GOSR1: variants seen among roughly 807,000 people sequenced by gnomAD.
GOSR1 encodes 28 kDa Golgi SNARE protein.
Under a neutral mutation model 35.5 loss-of-function variants are expected in GOSR1, and 21 were observed. That is an observed-to-expected ratio of 0.59 (90% CI 0.42 to 0.85). GOSR1 has a LOEUF of 0.85. GOSR1 is among the 40% of genes least tolerant of loss of function. The probability of loss-of-function intolerance (pLI) is 0.00; values close to 1 mark genes in which losing one functional copy is unlikely to be tolerated. For synonymous variants in GOSR1, 94 were observed against 106.6 expected (o/e 0.88, Z 0.73); for missense variants, 285 against 309.6 (o/e 0.92, Z 0.60).
Position 30,490,150 on chromosome 17 carries a change from A to G in GOSR1, c.367A>G (p.Thr123Ala). ...GGATTATACACATGAATTCCATAAAACCAAAGCAAACTTTATGGCAATACG... is the reference window on the plus strand; with the variant it reads ...GGATTATACACATGAATTCCATAAAGCCAAAGCAAACTTTATGGCAATACG... ...LQDYTHEFHK[T>A]KANFMAIRER... Residue 123 changes from threonine (T) to alanine (A), a missense_variant, in exon 5 of 9, where the codon ACC becomes GCC. Thr to Ala is a moderately conservative substitution (Grantham distance 58). Transcript: ENST00000451249. The G allele has an allele frequency of 6.4e-7, 1 of 1,554,170 alleles. No individual in the cohort carries two copies. The highest frequency in any genetic ancestry group is 8.9e-7 in the Non-Finnish European group (1 of 1,125,862).
At chr17:30,504,382 T>C (rs1385330945) in intron 6 of GOSR1, among the ~76,000 whole-genome samples, 1 of 152,162 alleles carries the variant, frequency 6.6e-6, no homozygotes, top group Non-Finnish European at 1.5e-5. Flanking sequence ...GACTTGTAGT[T>C]CCAGTATTGC....
At position 30,527,198 on chromosome 17, in the gene GOSR1, A is replaced by C. The variant is rs1213528281; in HGVS notation, c.*4820A>C. The stretch of plus-strand genomic sequence containing the variant: ...CACAGCAAAGACCTTGTCTCTACAA[A>C]AACTAAAATTAGCCATTCATGATGG... On this transcript the variant is annotated 3_prime_UTR_variant, in exon 9 of 9. Coordinates refer to ENST00000451249, the MANE Select transcript of GOSR1 (RefSeq NM_001007025.2). 1 of 152,166 alleles carries C rather than the reference A, an allele frequency of 6.6e-6. No individual in the cohort carries two copies. Among genetic ancestry groups the C allele is most frequent in the East Asian group, 1.9e-4 (1 of 5,192 alleles). The allele number at this position is 152,166 out of a possible 1,614,324, so 9.4% of individuals were successfully genotyped here. A position where few individuals can be genotyped will look rare whatever the true frequency, so the allele number is the denominator to read the frequency against.
At chr17:30,480,173 G>T (rs1914241672) in intron 1 of GOSR1, 1 of 151,984 alleles carries the variant, frequency 6.6e-6, no homozygotes, top group Admixed American at 6.6e-5. Context: ...CAGGCATGGT[G>T]GTGTGTGCCT....
chr17:30,477,630 G>C (rs1914026694), intron 1 of GOSR1, 166 bp downstream of exon 1: 2 of 1,387,030 alleles, frequency 1.4e-6, no homozygotes, highest in East Asian at 2.8e-5. Flanking sequence ...GATACCGAAC[G>C]GTCTGGGGTA....
In GOSR1 at chr17:30,522,853, C is replaced by T. The variant is rs558178995; in HGVS notation, c.*475C>T. 1 of 153,420 alleles carries T rather than the reference C, an allele frequency of 6.5e-6. No homozygotes were observed. Among genetic ancestry groups the T allele is most frequent in the South Asian group, 2.0e-4 (1 of 4,934 alleles). The allele number at this position is 153,420 out of a possible 1,614,324, so 9.5% of individuals were successfully genotyped here. A position where few individuals can be genotyped will look rare whatever the true frequency, so the allele number is the denominator to read the frequency against. On this transcript the variant is annotated 3_prime_UTR_variant, in exon 9 of 9. Transcript: ENST00000451249. ...ACGGTCTCCCTCTTTCCACGGTCTCCCTCTGATGCCGAGCCGAAGCTGGAC... is the reference window on the plus strand; with the variant it reads ...ACGGTCTCCCTCTTTCCACGGTCTCTCTCTGATGCCGAGCCGAAGCTGGAC...
chr17:30,480,912 A>G, intron 1 of GOSR1: 1 of 343,710 alleles, frequency 2.9e-6, no homozygotes, highest in Non-Finnish European at 5.6e-6. Context: ...GGGTTTCTCC[A>G]TGTTGATCAG....
chr17:30,522,212 G>A, intron 8 of GOSR1, 42 bp from the exon 9 acceptor site: 1 of 1,548,368 alleles, frequency 6.5e-7, no homozygotes, highest in Non-Finnish European at 8.8e-7. Flanking sequence ...TTTCGCCAGA[G>A]AGGCTTCTTC....
chr17:30,502,949 A>G (rs1967268779), intron 6 of GOSR1, among the ~76,000 whole-genome samples: 1 of 152,258 alleles, frequency 6.6e-6, no homozygotes, highest in Non-Finnish European at 1.5e-5. Context: ...TGTAAGTGAA[A>G]GACTATCTCA....
intron 8 of GOSR1, among the ~76,000 whole-genome samples, chr17:30,521,167 CTTTTTTTTTT>C (rs71360748): frequency 3.4e-4 from 22 of 64,226 alleles, no homozygotes; most frequent in African/African-American, 8.4e-4. Flanking sequence ...TTCTCTCTCT[CTTTTTTTTTT>C]TTTTTTTTTT....
At chr17:30,492,101 T>G (rs1380533627) in intron 5 of GOSR1, among the ~76,000 whole-genome samples, 2 of 152,152 alleles carry the variant, frequency 1.3e-5, no homozygotes, top group African/African-American at 4.8e-5. Flanking sequence ...TTCCTGATAC[T>G]TTATTATTAG....
chr17:30,521,257 C>T (rs1189944408), intron 8 of GOSR1, among the ~76,000 whole-genome samples: 1 of 145,330 alleles, frequency 6.9e-6, no homozygotes, highest in Non-Finnish European at 1.5e-5. Context: ...TCTCAGCTCA[C>T]TGCAACCTCC....
intron 7 of GOSR1, among the ~76,000 whole-genome samples, chr17:30,518,644 T>G (rs1258731065): frequency 2.6e-5 from 4 of 152,072 alleles, no homozygotes; most frequent in Non-Finnish European, 4.4e-5. Context: ...GATACTAACT[T>G]AGGGCCAAGC....
chr17:30,495,574 C>T (rs1330009243), intron 6 of GOSR1: 7 of 368,250 alleles, frequency 1.9e-5, no homozygotes, highest in Non-Finnish European at 3.2e-5. Context: ...ACCACCTTCT[C>T]ATCTACAGGT....
rs145707595 is a variant in GOSR1, at chr17:30,506,020, G to A, written c.510-4860G>A. On this transcript the variant is annotated intron_variant, in intron 6 of 8. Transcript: ENST00000451249. ...GCTAGGATTACAGGCATGAGCCACC[G>A]TGCCCGGCCAGTTGTGTGTGTTCTG... 2.2e-4 allele frequency among the ~76,000 whole-genome samples: 33 copies of A among 152,266 alleles called. 1 individual carries two copies. The highest frequency in any genetic ancestry group is 5.9e-4 in the Admixed American group (9 of 15,300).
In GOSR1 at chr17:30,477,463, A is replaced by T; in HGVS notation, c.30A>T (p.Glu10Asp). 1 of 1,608,282 alleles carries T rather than the reference A, an allele frequency of 6.2e-7. No individual in the cohort carries two copies. The highest frequency in any genetic ancestry group is 1.1e-5 in the South Asian group (1 of 90,338). Residue 10 changes from glutamate (E) to aspartate (D), a missense_variant and splice_region_variant, in exon 1 of 9, where the codon GAA becomes GAT. Around this residue, in one of 3 missense-constraint regions of GOSR1, gnomAD observed 108 missense variants for 98.9 expected, o/e 1.09. Coordinates refer to ENST00000451249, the MANE Select transcript of GOSR1 (RefSeq NM_001007025.2). Reference protein sequence around the residue: MAAGTSSYWEDLRKQARQLE... With the variant: MAAGTSSYWDDLRKQARQLE... ...CGGCAGGGACCAGCAGTTACTGGGA[A>T]GGTGAGGGCGAGAAGGCCTCCGGGT...
At chr17:30,499,485 G>A (rs2143765608) in intron 6 of GOSR1, among the ~76,000 whole-genome samples, 1 of 152,172 alleles carries the variant, frequency 6.6e-6, no homozygotes, top group Non-Finnish European at 1.5e-5. Flanking sequence ...GGAACTACAG[G>A]CGCATGCCAC....
intron 6 of GOSR1, among the ~76,000 whole-genome samples, chr17:30,496,169 C>T (rs1229706026): frequency 2.0e-5 from 3 of 152,128 alleles, no homozygotes; most frequent in Admixed American, 6.6e-5. Context: ...AAGGCCAATA[C>T]GTGCATTGGA....
chr17:30,494,216 A>ACACACAC (rs1567904302), intron 6 of GOSR1, among the ~76,000 whole-genome samples: 1 of 86,274 alleles, frequency 1.2e-5, no homozygotes, highest in African/African-American at 5.2e-5. Context: ...CACACACACA[A>ACACACAC]CTTTGTAATG....
chr17:30,490,053 G>T, intron 4 of GOSR1, 73 bp from the exon 5 acceptor site: 1 of 702,318 alleles, frequency 1.4e-6, no homozygotes, highest in South Asian at 1.7e-5. Context: ...GTGTGATGAC[G>T]ATACATAACT....
Sources: allele counts gnomAD v4.1 joint callset (sites outside exome capture counted in the v4.1 genomes callset), GRCh38; gene constraint gnomAD v4.1.1; regional missense constraint gnomAD v4.1.1; transcripts MANE v1.5; gene names NCBI Gene and HGNC (gene_info 2026-07-23, HGNC 2026-07-21).